The following AUTS2 variants were observed in gnomAD, a reference collection of about 807,000 sequenced individuals.
The protein encoded by AUTS2 is autism susceptibility gene 2 protein.
AUTS2 carries 17 observed loss-of-function variants against 112.4 expected under a neutral mutation model. The observed-to-expected ratio is 0.15, with a 90% confidence interval of 0.10 to 0.23. AUTS2 has a LOEUF of 0.23. Ranked by LOEUF, AUTS2 falls within the 10% of genes least tolerant of loss-of-function variation. The pLI is 1.00. For synonymous variants in AUTS2, 751 were observed against 702.7 expected (o/e 1.07, Z -1.09); for missense variants, 1,510 against 1,701.6 (o/e 0.89, Z 1.98).
chr7:70,676,233 G>C (rs971132342), intron 5 of AUTS2, among the ~76,000 whole-genome samples: 1 of 152,146 alleles, frequency 6.6e-6, no homozygotes, highest in Non-Finnish European at 1.5e-5. Flanking sequence ...TTGAGGCCAG[G>C]AGTTCGAGAC....
At chr7:70,682,920 G>A (rs73180286) in intron 5 of AUTS2, among the ~76,000 whole-genome samples, 8,840 of 152,248 alleles carry the variant, frequency 0.058, 464 homozygotes, top group Non-Finnish European at 0.066. Flanking sequence ...TACTGCTTGG[G>A]CATCCTTACT....
At chr7:70,600,388 G>T (rs1385990846) in intron 5 of AUTS2, among the ~76,000 whole-genome samples, 1 of 152,000 alleles carries the variant, frequency 6.6e-6, no homozygotes, top group Non-Finnish European at 1.5e-5. Context: ...GGATTCTCTC[G>T]CCTCAGCCTC....
At chr7:70,217,716 A>C (rs1002769126) in intron 4 of AUTS2, among the ~76,000 whole-genome samples, 1 of 152,060 alleles carries the variant, frequency 6.6e-6, no homozygotes. Flanking sequence ...TCAGTTTTCA[A>C]CTCAGCTTCC....
At chr7:70,506,860 C>G (rs929388089) in intron 5 of AUTS2, among the ~76,000 whole-genome samples, 13 of 152,346 alleles carry the variant, frequency 8.5e-5, no homozygotes, top group African/African-American at 2.6e-4. Context: ...TCCCAACCTA[C>G]TCTGGGCCAT....
intron 6 of AUTS2, among the ~76,000 whole-genome samples, chr7:70,724,178 CA>C (rs1786871075): frequency 6.6e-6 from 1 of 152,142 alleles, no homozygotes; most frequent in South Asian, 2.1e-4. Context: ...AGGCGTGAGC[CA>C]CCCCATTTGG....
intron 2 of AUTS2, among the ~76,000 whole-genome samples, chr7:70,053,424 A>G (rs749373474): frequency 1.3e-5 from 2 of 152,198 alleles, no homozygotes; most frequent in Admixed American, 6.5e-5. Context: ...CACCAAAGTG[A>G]ATAATAATGT....
chr7:69,717,964 C>G (rs1224183695), intron 1 of AUTS2, among the ~76,000 whole-genome samples: 1 of 152,148 alleles, frequency 6.6e-6, no homozygotes, highest in Non-Finnish European at 1.5e-5. Flanking sequence ...AAGATTTCAT[C>G]TGAACTTTAC....
chr7:70,477,477 A>G (rs1797625751), intron 5 of AUTS2, among the ~76,000 whole-genome samples: 1 of 152,168 alleles, frequency 6.6e-6, no homozygotes, highest in South Asian at 2.1e-4. Context: ...TGTCTTCTTC[A>G]AGGTTAAACT....
At chr7:70,160,151 C>T (rs1030979548) in intron 4 of AUTS2, among the ~76,000 whole-genome samples, 1 of 152,106 alleles carries the variant, frequency 6.6e-6, no homozygotes, top group Non-Finnish European at 1.5e-5. Context: ...CAAATATTAT[C>T]TGTACTCCCA....
chr7:70,292,245 G>A (rs984914788), intron 4 of AUTS2: 2 of 152,188 alleles, frequency 1.3e-5, no homozygotes, highest in African/African-American at 4.8e-5. Context: ...CTTATATAGC[G>A]GTTCATGTTC....
intron 1 of AUTS2, among the ~76,000 whole-genome samples, chr7:69,725,440 A>G (rs1007247787): frequency 2.0e-5 from 3 of 152,204 alleles, no homozygotes; most frequent in African/African-American, 4.8e-5. Flanking sequence ...CATTTGTGGC[A>G]TAGAGAGAGA....
chr7:70,424,559 T>C (rs1454625923), intron 4 of AUTS2, among the ~76,000 whole-genome samples: 1 of 152,040 alleles, frequency 6.6e-6, no homozygotes, highest in Non-Finnish European at 1.5e-5. Context: ...TTGTCAGGAT[T>C]CTTGGTGTTT....
chr7:70,204,954 A>G (rs578179026), intron 4 of AUTS2, among the ~76,000 whole-genome samples: 11 of 152,240 alleles, frequency 7.2e-5, no homozygotes, highest in Non-Finnish European at 1.3e-4. Context: ...GGAAAAAAAA[A>G]GGTTATTTGA....
intron 1 of AUTS2, among the ~76,000 whole-genome samples, chr7:69,890,653 T>C (rs1159430108): frequency 6.6e-6 from 1 of 151,806 alleles, no homozygotes; most frequent in East Asian, 1.9e-4. Flanking sequence ...TTACAAAAGG[T>C]TAGCCTCTGA....
In AUTS2 at chr7:70,094,915, C is replaced by T. The variant is rs1476568407; in HGVS notation, c.523-23217C>T. Among the ~76,000 whole-genome samples the T allele has an allele frequency of 3.3e-5, 5 of 152,148 alleles. No individual in the cohort carries two copies. In the South Asian group the frequency reaches 1.0e-3, roughly 32 times the overall value. On this transcript the variant is annotated intron_variant, in intron 2 of 18. Coordinates refer to ENST00000342771, the MANE Select transcript of AUTS2 (RefSeq NM_015570.4). ...AAGCTTAGGAGTCTGTAAGCCTTCT[C>T]CCCTGGTTGCAGTTAGGAAGCCAGT...
chr7:70,683,153 T>G (rs531085873), intron 5 of AUTS2, among the ~76,000 whole-genome samples: 1 of 152,362 alleles, frequency 6.6e-6, no homozygotes, highest in East Asian at 1.9e-4. Context: ...GATATATTTT[T>G]TAGAATTTTG....
At chr7:69,917,820 C>A (rs1262834627) in intron 2 of AUTS2, among the ~76,000 whole-genome samples, 2 of 137,294 alleles carry the variant, frequency 1.5e-5, no homozygotes, top group African/African-American at 5.8e-5. Context: ...TCCAAGGACA[C>A]CTTTGTTGTT....
Position 70,118,133 on chromosome 7 carries a change from T to A in AUTS2, c.524T>A (p.Leu175His). 2 of 1,577,752 alleles carry A rather than the reference T, an allele frequency of 1.3e-6. No homozygotes were observed. Among genetic ancestry groups the A allele is most frequent in the Non-Finnish European group, 1.7e-6 (2 of 1,168,676 alleles). The change falls in exon 3 of 19, where the codon CTC (leucine) becomes CAC (histidine). Residue 175 changes from leucine (L) to histidine (H), a missense_variant and splice_region_variant. Around this residue, in one of 3 missense-constraint regions of AUTS2, gnomAD observed 535 missense variants for 594.3 expected, o/e 0.90. Coordinates refer to ENST00000342771, the MANE Select transcript of AUTS2 (RefSeq NM_015570.4). ...RKKMPKALRQ[L>H]KPGQNSCRDS... ...TTTTCTCTTTTCTTTTGCCTTTAGC[T>A]CAAGCCAGGACAGAACAGCTGCAGG...
At chr7:70,104,697 A>G (rs1364582688) in intron 2 of AUTS2, among the ~76,000 whole-genome samples, 1 of 152,228 alleles carries the variant, frequency 6.6e-6, no homozygotes, top group East Asian at 1.9e-4. Context: ...GATAATCTGT[A>G]AAACTTTGAT....
Sources: gnomAD v4.1 joint callset for allele counts (sites outside exome capture counted in the v4.1 genomes callset) on GRCh38, gnomAD v4.1.1 for gene constraint, gnomAD v4.1.1 regional missense constraint, MANE v1.5 for transcripts, NCBI Gene and HGNC (gene_info 2026-07-23, HGNC 2026-07-21) for gene names.